The following PAPPA variants were observed in gnomAD, a reference collection of about 807,000 sequenced individuals.
PAPPA encodes the protein pappalysin-1.
A neutral mutation model predicts 164.0 loss-of-function variants in PAPPA; 60 were observed. The ratio of observed to expected loss-of-function variants is 0.37; its 90% CI spans 0.30 to 0.45. The LOEUF (loss-of-function observed/expected upper bound fraction) is 0.45. PAPPA is among the 20% of genes least tolerant of loss of function. PAPPA has a pLI of 1.00. For synonymous variants in PAPPA, 875 were observed against 814.1 expected, an observed-to-expected ratio of 1.07 and a Z score of -1.27; for missense variants, 1,782 against 2,087.3, an observed-to-expected ratio of 0.85 and a Z score of 2.85.
At chr9:116,202,468 G>T (rs1053300160) in intron 2 of PAPPA, among the ~76,000 whole-genome samples, 1 of 152,140 alleles carries the variant, frequency 6.6e-6, no homozygotes, top group African/African-American at 2.4e-5. Flanking sequence ...CTGGCAAAGG[G>T]GTAAAGTCTG....
chr9:116,203,705 A>G lies in PAPPA; in HGVS notation c.1479-3751A>G, dbSNP rs532256696. 4.3e-4 allele frequency among the ~76,000 whole-genome samples: 65 copies of G among 152,324 alleles called. No individual in the cohort carries two copies. In the South Asian group the frequency reaches 0.013, roughly 31 times the overall value. ...TTAACCCGTGTTGCCTCTAATCCTT[A>G]TGATGCCCCTGACAGGTGGTCATCA... On this transcript the variant is annotated intron_variant, in intron 2 of 21. Transcript: ENST00000328252.
intron 1 of PAPPA, among the ~76,000 whole-genome samples, chr9:116,185,533 C>T (rs1001792790): frequency 6.6e-6 from 1 of 152,166 alleles, no homozygotes; most frequent in Non-Finnish European, 1.5e-5. Context: ...CAACAATTCT[C>T]CAGCTGAGAG....
chr9:116,302,177 A>T (rs1021906318), intron 9 of PAPPA, among the ~76,000 whole-genome samples: 1 of 152,172 alleles, frequency 6.6e-6, no homozygotes, highest in African/African-American at 2.4e-5. Context: ...AGTTTTTATG[A>T]GGAATATTTC....
chr9:116,206,120 C>A (rs1449830271), intron 2 of PAPPA, among the ~76,000 whole-genome samples: 1 of 152,128 alleles, frequency 6.6e-6, no homozygotes, highest in Non-Finnish European at 1.5e-5. Context: ...AATGTGGGTT[C>A]TTGGGGAAGA....
chr9:116,207,516 C>G lies in PAPPA; in HGVS notation c.1539C>G (p.Leu513=), dbSNP rs1310622289. 1.7e-5 allele frequency: 28 copies of G among 1,613,182 alleles called. No homozygotes were observed. The highest frequency in any genetic ancestry group is 2.2e-5 in the Non-Finnish European group (26 of 1,179,450). Residue 513 remains leucine (L), a synonymous_variant, in exon 3 of 22, where the codon CTC becomes CTG. Coordinates refer to ENST00000328252, the MANE Select transcript of PAPPA (RefSeq NM_002581.5). ...NILKLDGSTH[L]NIFFAKSSEE... ...TTAAATTGGATGGATCAACACATCT[C>G]AATATTTTCTTTGCAAAATCCTCAG...
chr9:116,185,856 T>C (rs1002204172), intron 1 of PAPPA, among the ~76,000 whole-genome samples: 2 of 152,138 alleles, frequency 1.3e-5, no homozygotes, highest in African/African-American at 4.8e-5. Flanking sequence ...ATTTGTGACA[T>C]GCCCCAGGTA....
rs1843993050 is a variant in PAPPA at position 116,187,796 on chromosome 9, T to C, written c.1058T>C (p.Val353Ala). 1 of 1,614,254 alleles carries C rather than the reference T, an allele frequency of 6.2e-7. No individual in the cohort carries two copies. Among genetic ancestry groups the C allele is most frequent in the Non-Finnish European group, 8.5e-7 (1 of 1,180,038 alleles). The stretch of plus-strand genomic sequence containing the variant: ...TCAAGTTTCCGCCAGCCCAAGGTGG[T>C]GCGCTACCGCGTGGTCAACCTCTAT... ...QLSSFRQPKV[V>A]RYRVVNLYED... The change falls in exon 2 of 22, where the codon GTG becomes GCG. Residue 353 changes from valine (V) to alanine (A), a missense_variant. Physicochemically the swap from Val to Ala is moderately conservative, Grantham distance 64 (BLOSUM62 0). Around this residue, in one of 2 missense-constraint regions of PAPPA, gnomAD observed 1,324 missense variants for 1,656.9 expected, o/e 0.80. Transcript: ENST00000328252. The surrounding 1 kb of genome is among the most constrained non-coding windows in gnomAD (Gnocchi z 4.2).
At chr9:116,177,603 T>A (rs1381684831) in intron 1 of PAPPA, among the ~76,000 whole-genome samples, 1 of 152,212 alleles carries the variant, frequency 6.6e-6, no homozygotes, top group Non-Finnish European at 1.5e-5. Flanking sequence ...GGGGCTGCCA[T>A]GCAGGGTATG....
rs2118962076 is a variant in PAPPA, at chr9:116,154,244, T to C, written c.72T>C (p.Arg24=). The change falls in exon 1 of 22, where the codon CGT becomes CGC. Residue 24 remains arginine (R), a synonymous_variant. Coordinates refer to ENST00000328252, the MANE Select transcript of PAPPA (RefSeq NM_002581.5). This position sits in a 1 kb window ranked among gnomAD's most constrained non-coding sequence, Gnocchi z 5.2. The part of the protein sequence containing the change: ...SAALGCGLAE[R]PRRARRDPRA... The stretch of plus-strand genomic sequence containing the variant: ...CGCTGGGCTGCGGGCTGGCCGAGCG[T>C]CCCCGCCGGGCCCGGAGAGACCCGC... 5 of 1,392,006 alleles carry C rather than the reference T, an allele frequency of 3.6e-6. No individual in the cohort carries two copies. Among genetic ancestry groups the C allele is most frequent in the South Asian group, 1.3e-5 (1 of 76,496 alleles). 86.2% of individuals were successfully genotyped at this position (1,392,006 alleles called of 1,614,324 possible). A position where few individuals can be genotyped will look rare whatever the true frequency, so the allele number is the denominator to read the frequency against.
At chr9:116,232,560 G>T (rs756065733) in intron 6 of PAPPA, among the ~76,000 whole-genome samples, 9 of 152,176 alleles carry the variant, frequency 5.9e-5, no homozygotes, top group Non-Finnish European at 1.2e-4. Flanking sequence ...CTGAGTCTCA[G>T]TTTCCTCTTC....
At chr9:116,213,227 T>G (rs1844330462) in intron 4 of PAPPA, among the ~76,000 whole-genome samples, 1 of 152,192 alleles carries the variant, frequency 6.6e-6, no homozygotes, top group Admixed American at 6.5e-5. Flanking sequence ...TTTGCCTCAT[T>G]GCATTTGAAG....
chr9:116,328,022 C>A (rs919357719), intron 10 of PAPPA, among the ~76,000 whole-genome samples: 1 of 152,170 alleles, frequency 6.6e-6, no homozygotes, highest in African/African-American at 2.4e-5. Context: ...TCCTTTAAAA[C>A]CCTGTCTAGT....
Position 116,401,045 on chromosome 9 carries a change from C to T in PAPPA, c.*4429C>T, listed in dbSNP as rs1258229366. On this transcript the variant is annotated 3_prime_UTR_variant, in exon 22 of 22. Transcript: ENST00000328252. ...CCATGGGTTATTATTCAAGAATGCA[C>T]AGGCCCATCGGCCTTTTAGAAAGAC... 1 of 152,592 alleles carries T rather than the reference C, an allele frequency of 6.6e-6. No homozygotes were observed. The highest frequency in any genetic ancestry group is 2.4e-5 in the African/African-American group (1 of 41,438). 9.5% of individuals were successfully genotyped at this position (152,592 alleles called of 1,614,324 possible). A position where few individuals can be genotyped will look rare whatever the true frequency, so the allele number is the denominator to read the frequency against.
At chr9:116,196,031 A>G (rs1844099934) in intron 2 of PAPPA, among the ~76,000 whole-genome samples, 1 of 152,188 alleles carries the variant, frequency 6.6e-6, no homozygotes, top group South Asian at 2.1e-4. Context: ...GTTGGGGCTC[A>G]TTGAATAGTG....
At chr9:116,341,087 CTG>C (rs1420032715) in intron 13 of PAPPA, among the ~76,000 whole-genome samples, 1 of 151,898 alleles carries the variant, frequency 6.6e-6, no homozygotes, top group Non-Finnish European at 1.5e-5. Flanking sequence ...GTTTCCCAGG[CTG>C]GAGTACAGTG....
At chr9:116,164,124 G>A (rs1843696690) in intron 1 of PAPPA, among the ~76,000 whole-genome samples, 2 of 152,112 alleles carry the variant, frequency 1.3e-5, no homozygotes, top group Non-Finnish European at 2.9e-5. Flanking sequence ...TAGACCACCG[G>A]CCTTGTAGTA....
At chr9:116,220,702 C>G (rs1334652288) in intron 5 of PAPPA, among the ~76,000 whole-genome samples, 1 of 151,602 alleles carries the variant, frequency 6.6e-6, no homozygotes, top group East Asian at 1.9e-4. Flanking sequence ...GCCTGACCAA[C>G]ACAGTGAAAT....
intron 17 of PAPPA, among the ~76,000 whole-genome samples, chr9:116,356,168 A>G (rs1225544135): frequency 2.0e-5 from 3 of 152,212 alleles, no homozygotes; most frequent in Non-Finnish European, 4.4e-5. Flanking sequence ...ATTCCTTGGG[A>G]GCCAGTATGA....
At chr9:116,331,171 T>C in intron 10 of PAPPA, 73 bp from the exon 11 acceptor site, 1 of 957,698 alleles carries the variant, frequency 1.0e-6, no homozygotes, top group Non-Finnish European at 1.6e-6. Flanking sequence ...ACAGTAAAGG[T>C]TTGTAAAATT....
Sources: allele counts gnomAD v4.1 joint callset (sites outside exome capture counted in the v4.1 genomes callset), GRCh38; gene constraint gnomAD v4.1.1; regional missense constraint gnomAD v4.1.1; non-coding constraint Gnocchi (gnomAD v3.1); transcripts MANE v1.5; gene names NCBI Gene and HGNC (gene_info 2026-07-23, HGNC 2026-07-21).